Variants in BCOR observed in about 807,000 individuals in gnomAD.
BCOR encodes the protein BCL6 corepressor, also known as BCL-6 corepressor.
In BCOR, 10 loss-of-function variants were observed where a neutral mutation model predicts 86.7. The ratio of observed to expected loss-of-function variants is 0.12; its 90% CI spans 0.07 to 0.20. BCOR has a LOEUF of 0.20. Among genes scored for constraint, BCOR ranks in the 10% least tolerant of loss-of-function variants. BCOR has a pLI of 1.00. For synonymous variants in BCOR, 611 were observed against 609.0 expected, an observed-to-expected ratio of 1.00 and a Z score of -0.05; for missense variants, 1,259 against 1,452.1, an observed-to-expected ratio of 0.87 and a Z score of 2.16.
chrX:40,148,187 GC>G (rs1938100791), intron 1 of BCOR, among the ~76,000 whole-genome samples: 1 of 111,860 alleles, frequency 8.9e-6, no homozygotes, highest in African/African-American at 3.2e-5. Context: ...CGGGATTCAA[GC>G]TGGACTTCCC....
chrX:40,063,110 G>GGA (rs1569147512), intron 8 of BCOR, 39 bp from the exon 9 acceptor site: 3 of 644,549 alleles, frequency 4.7e-6, no homozygotes, highest in East Asian at 5.7e-5. Context: ...GGGCGGATGG[G>GGA]AGACGGGAGA....
At chrX:40,060,604 G>A (rs1378585905) in intron 10 of BCOR, among the ~76,000 whole-genome samples, 1 of 112,126 alleles carries the variant, frequency 8.9e-6, no homozygotes, top group Non-Finnish European at 1.9e-5. Context: ...GGTGTTTGCT[G>A]GAAGCACAAG....
At position 40,064,213 on chromosome X, in the gene BCOR, G is replaced by A. The variant is rs1304057053; in HGVS notation, c.3502+123C>T. The A allele has an allele frequency of 4.8e-6, 5 of 1,042,856 alleles. No homozygotes were observed. The African/African-American group carries it at 7.4e-5, about 15-fold the overall frequency. 85.9% of individuals were successfully genotyped at this position (1,042,856 alleles called of 1,213,427 possible). On this transcript the variant is annotated intron_variant, in intron 7 of 14. Transcript: ENST00000378444. Reference sequence around the variant, plus strand: ...TCCGCTCCACTGCTGCGCCCCCACGGCTTCCCCTCACCGACTCTGTCTACG... The same window carrying A: ...TCCGCTCCACTGCTGCGCCCCCACGACTTCCCCTCACCGACTCTGTCTACG...
chrX:40,052,050 T>A lies in BCOR; in HGVS notation c.*59A>T. On this transcript the variant is annotated 3_prime_UTR_variant, in exon 15 of 15. Transcript: ENST00000378444. The stretch of plus-strand genomic sequence containing the variant: ...TTTCTTTACAGAAATAGTTGTATTA[T>A]GACACATATGCACAAGGATTAACAC... The A allele has an allele frequency of 1.0e-6, 1 of 996,487 alleles. No homozygotes were observed. Among genetic ancestry groups the A allele is most frequent in the Non-Finnish European group, 1.3e-6 (1 of 744,641 alleles). The allele number at this position is 996,487 out of a possible 1,213,427, so 82.1% of individuals were successfully genotyped here.
intron 1 of BCOR, among the ~76,000 whole-genome samples, chrX:40,115,009 C>T (rs773693211): frequency 3.6e-5 from 4 of 109,686 alleles, no homozygotes; most frequent in African/African-American, 6.7e-5. Flanking sequence ...CCTGCCACCA[C>T]GCCCGACTAA....
In BCOR at chrX:40,075,689, G is replaced by A. The variant is rs1054987089; in HGVS notation, c.166-509C>T. ...CAAGAGAATTGCTTGAACCCGGGAGGTGGAGGTTGCGGTGAGCCAAGACTG... is the reference window on the plus strand; with the variant it reads ...CAAGAGAATTGCTTGAACCCGGGAGATGGAGGTTGCGGTGAGCCAAGACTG... On this transcript the variant is annotated intron_variant, in intron 3 of 14. Coordinates refer to ENST00000378444, the MANE Select transcript of BCOR (RefSeq NM_001123385.2). 2.7e-5 allele frequency among the ~76,000 whole-genome samples: 3 copies of A among 111,727 alleles called. No homozygotes were observed. The Admixed American group carries it at 2.8e-4, about 11-fold the overall frequency.
intron 1 of BCOR, among the ~76,000 whole-genome samples, chrX:40,172,309 C>G (rs1290602675): frequency 8.9e-6 from 1 of 112,467 alleles, no homozygotes; most frequent in African/African-American, 3.2e-5. Context: ...AAACACGGAG[C>G]GAACAGGTCC....
rs1175137889 is a variant in BCOR, at chrX:40,139,492, T to C, written c.-41+37515A>G. Among the ~76,000 whole-genome samples the C allele has an allele frequency of 3.1e-3, 37 of 11,843 alleles. 4 individuals carry two copies. Among genetic ancestry groups the C allele is most frequent in the African/African-American group, 0.018 (34 of 1,933 alleles). The allele number at this position is 11,843 out of a possible 115,157, so 10.3% of individuals were successfully genotyped here. A position where few individuals can be genotyped will look rare whatever the true frequency, so the allele number is the denominator to read the frequency against. ...ATATATATATATATATATATATATATATATATTTTTTTTTTTTTTTAAGCA... is the reference window on the plus strand; with the variant it reads ...ATATATATATATATATATATATATACATATATTTTTTTTTTTTTTTAAGCA... On this transcript the variant is annotated intron_variant, in intron 1 of 14. Transcript: ENST00000342274.
chrX:40,077,628 G>A (rs1935872270), intron 2 of BCOR: 2 of 433,580 alleles, frequency 4.6e-6, no homozygotes, highest in East Asian at 3.8e-5. Flanking sequence ...GGACGAAAGT[G>A]CACTGAAAGG....
At chrX:40,092,382 G>A (rs886843914) in intron 1 of BCOR, among the ~76,000 whole-genome samples, 6 of 111,322 alleles carry the variant, frequency 5.4e-5, no homozygotes, top group Non-Finnish European at 9.5e-5. Flanking sequence ...CCTAGCCGGA[G>A]TTTACGTGCG....
intron 1 of BCOR, among the ~76,000 whole-genome samples, chrX:40,109,036 C>A (rs764766469): frequency 1.8e-5 from 2 of 113,309 alleles, no homozygotes; most frequent in South Asian, 7.0e-4. Flanking sequence ...GCGGCGGCGG[C>A]GGCCCTGGCC....
chrX:40,064,392 G>T lies in BCOR; in HGVS notation c.3446C>A (p.Ala1149Glu), dbSNP rs368780561. ...SGDSSHTETT[A>E]EEVPEDPLLK... ...CAGAGGGTCCTCTGGCACCTCCTCC[G>T]CAGTGGTCTCAGTGTGGCTGCTGTC... Residue 1149 changes from alanine to glutamate, a missense_variant, in exon 7 of 15, where the codon GCG (alanine) becomes GAG (glutamate). By Grantham distance (107) the Ala-to-Glu change is moderately radical. Transcript: ENST00000378444. 1 of 1,212,205 alleles carries T rather than the reference G, an allele frequency of 8.2e-7. No homozygotes were observed. The highest frequency in any genetic ancestry group is 1.1e-6 in the Non-Finnish European group (1 of 895,517).
rs6520618 is a variant in BCOR at position 40,073,654 on chromosome X, T to C, written c.1692A>G (p.Ala564=). ...ITNVSGSVSS[A]GRPASASPAP... is the part of the protein sequence containing the mutation. ...CGGGTGATGCGGAGGCTGGGCGGCC[T>C]GCACTCGACACTGACCCTGAAACGT... The change falls in exon 4 of 15, where the codon GCA becomes GCG. Residue 564 remains alanine (A), a synonymous_variant. Transcript: ENST00000378444. The C allele has an allele frequency of 0.17, 211,023 of 1,210,479 alleles. 26,452 individuals are homozygous for C. The highest frequency in any genetic ancestry group is 0.81 in the African/African-American group (46,346 of 57,254).
At chrX:40,092,301 A>G (rs1461694512) in intron 1 of BCOR, among the ~76,000 whole-genome samples, 1 of 111,323 alleles carries the variant, frequency 9.0e-6, no homozygotes. Context: ...CTTCCCAATA[A>G]AAGCTGGAAT....
In BCOR at chrX:40,052,376, C is replaced by T. The variant is rs375878497; in HGVS notation, c.5001G>A (p.Ser1667=). ...ACATTTTCAATTTCTTAAGGACATC[C>T]GAAAGCAGTAGCCAGTTTCGTGGCC... ...AQGPRNWLLL[S]DVLKKLKMSS... The change falls in exon 15 of 15, where the codon TCG becomes TCA. Residue 1667 remains serine, a synonymous_variant. Transcript: ENST00000378444. 197 of 1,208,318 alleles carry T rather than the reference C, an allele frequency of 1.6e-4. No homozygotes were observed. The highest frequency in any genetic ancestry group is 2.0e-4 in the Non-Finnish European group (178 of 894,274).
At chrX:40,152,394 C>T (rs915917992) in intron 1 of BCOR, among the ~76,000 whole-genome samples, 7 of 111,669 alleles carry the variant, frequency 6.3e-5, no homozygotes, top group Non-Finnish European at 1.1e-4. Flanking sequence ...TCCCAGCGCG[C>T]CCTGGCCCTG....
chrX:40,166,810 C>T (rs1938515411), intron 1 of BCOR, among the ~76,000 whole-genome samples: 1 of 112,250 alleles, frequency 8.9e-6, no homozygotes. Flanking sequence ...TCATCTGGCT[C>T]TGCCTTCCTC....
Position 40,124,275 on chromosome X carries a change from A to AT in BCOR, c.-40-46307dup, listed in dbSNP as rs5902246. 3.5e-4 allele frequency among the ~76,000 whole-genome samples: 36 copies of AT among 103,458 alleles called. 1 individual carries two copies. Among genetic ancestry groups the AT allele is most frequent in the South Asian group, 1.7e-3 (4 of 2,317 alleles). 89.8% of individuals were successfully genotyped at this position (103,458 alleles called of 115,157 possible). On this transcript the variant is annotated intron_variant, in intron 1 of 14. Transcript: ENST00000342274. ...ATAGCAAGACCCCATCTCTATATAC[A>AT]TTTTTTTTTTTCTTTGAGACAGCAT...
chrX:40,126,675 C>G (rs1229337104), intron 1 of BCOR, among the ~76,000 whole-genome samples: 1 of 110,864 alleles, frequency 9.0e-6, no homozygotes, highest in Non-Finnish European at 1.9e-5. Flanking sequence ...GTCAACATGG[C>G]GAAACCCTGT....
Sources: gnomAD v4.1 joint callset for allele counts (sites outside exome capture counted in the v4.1 genomes callset) on GRCh38, gnomAD v4.1.1 for gene constraint, MANE v1.5 for transcripts, NCBI Gene and HGNC (gene_info 2026-07-23, HGNC 2026-07-21) for gene names.